The following CEP97 variants were observed in gnomAD, a reference collection of about 807,000 sequenced individuals.
CEP97 encodes the protein centrosomal protein of 97 kDa.
A neutral mutation model predicts 73.1 loss-of-function variants in CEP97; 43 were observed. That is an observed-to-expected ratio of 0.59 (90% CI 0.46 to 0.76). CEP97 has a LOEUF of 0.76. Among genes scored for constraint, CEP97 ranks in the 30% least tolerant of loss-of-function variants. CEP97 has a pLI of 0.00. For synonymous variants in CEP97, 337 were observed against 370.0 expected, an observed-to-expected ratio of 0.91 and a Z score of 1.02; for missense variants, 939 against 1,014.0, an observed-to-expected ratio of 0.93 and a Z score of 1.00.
At chr3:101,734,089 G>A (rs2107139259) in intron 6 of CEP97, among the ~76,000 whole-genome samples, 1 of 152,364 alleles carries the variant, frequency 6.6e-6, no homozygotes. Flanking sequence ...GCCTCCCAAA[G>A]TGTTGGGATT....
In CEP97 at chr3:101,766,732, T is replaced by A. The variant is rs1043593698; in HGVS notation, c.*1181T>A. On this transcript the variant is annotated 3_prime_UTR_variant, in exon 11 of 11. Coordinates refer to ENST00000341893, the MANE Select transcript of CEP97 (RefSeq NM_024548.4). ...GATGCATTTGTAATTAAGGATAATA[T>A]CGTTTAACAACATGTATTTGGTTTC... is the stretch of plus-strand genomic sequence containing the variant. The A allele has an allele frequency of 9.8e-5, 15 of 152,328 alleles. No individual in the cohort carries two copies. The highest frequency in any genetic ancestry group is 3.4e-4 in the African/African-American group (14 of 41,404). 9.4% of individuals were successfully genotyped at this position (152,328 alleles called of 1,614,324 possible).
At chr3:101,747,567 T>A (rs147972276) in intron 6 of CEP97, among the ~76,000 whole-genome samples, 1 of 150,898 alleles carries the variant, frequency 6.6e-6, no homozygotes, top group African/African-American at 2.4e-5. Flanking sequence ...CCTTCCTTTT[T>A]TTTTTTTTGA....
At chr3:101,738,286 C>G (rs1201879285) in intron 6 of CEP97, among the ~76,000 whole-genome samples, 1 of 151,982 alleles carries the variant, frequency 6.6e-6, no homozygotes, top group African/African-American at 2.4e-5. Context: ...ATTAGATCAA[C>G]AAGACAGAAA....
chr3:101,725,304 G>A (rs1305149564), intron 1 of CEP97, among the ~76,000 whole-genome samples: 1 of 152,192 alleles, frequency 6.6e-6, no homozygotes, highest in Non-Finnish European at 1.5e-5. Context: ...ACAGGACTGT[G>A]TGGGTGCTTC....
At chr3:101,752,959 G>A (rs1368937501) in intron 6 of CEP97, among the ~76,000 whole-genome samples, 1 of 152,186 alleles carries the variant, frequency 6.6e-6, no homozygotes, top group Non-Finnish European at 1.5e-5. Flanking sequence ...CTTTGGAGGA[G>A]GAGAGGTGCT....
At chr3:101,763,106 T>C in intron 10 of CEP97, 1 of 1,184,700 alleles carries the variant, frequency 8.4e-7, no homozygotes, top group South Asian at 1.3e-5. Flanking sequence ...TTCTTTTTTA[T>C]AGAAATGGGG....
intron 6 of CEP97, among the ~76,000 whole-genome samples, chr3:101,734,480 G>A (rs559671453): frequency 6.6e-6 from 1 of 152,240 alleles, no homozygotes; most frequent in East Asian, 1.9e-4. Flanking sequence ...GGAGTTTCCT[G>A]ATGGGAGGAC....
Position 101,767,518 on chromosome 3 carries a change from T to C in CEP97, c.*1967T>C, listed in dbSNP as rs562961344. 27 of 152,350 alleles carry C rather than the reference T, an allele frequency of 1.8e-4. No homozygotes were observed. Among genetic ancestry groups the C allele is most frequent in the Admixed American group, 5.9e-4 (9 of 15,310 alleles). 9.4% of individuals were successfully genotyped at this position (152,350 alleles called of 1,614,324 possible). On this transcript the variant is annotated 3_prime_UTR_variant, in exon 11 of 11. Coordinates refer to ENST00000341893, the MANE Select transcript of CEP97 (RefSeq NM_024548.4). ...TACATTAGTTTTTCATAAAAGCTGC[T>C]GGAATGTCATGATTCAGTATTACCT...
At chr3:101,745,113 G>A (rs1475735332) in intron 6 of CEP97, among the ~76,000 whole-genome samples, 2 of 152,188 alleles carry the variant, frequency 1.3e-5, no homozygotes, top group Non-Finnish European at 2.9e-5. Context: ...CTTTCTGAAT[G>A]TGTTTAGATC....
intron 10 of CEP97, 78 bp downstream of exon 10, chr3:101,762,638 T>A (rs1283959818): frequency 8.0e-6 from 9 of 1,123,308 alleles, no homozygotes; most frequent in Admixed American, 4.4e-5. Flanking sequence ...CATAGAGTAC[T>A]CAGGTGTATT....
intron 6 of CEP97, among the ~76,000 whole-genome samples, chr3:101,748,998 T>G (rs554822655): frequency 9.3e-4 from 142 of 152,276 alleles, no homozygotes; most frequent in African/African-American, 3.0e-3. Flanking sequence ...TTGGTTAAAT[T>G]TTATTGTTAT....
chr3:101,737,117 T>TA (rs1938304568), intron 6 of CEP97, among the ~76,000 whole-genome samples: 2 of 152,128 alleles, frequency 1.3e-5, no homozygotes, highest in South Asian at 4.1e-4. Context: ...CTTAATGAAA[T>TA]AAACTGTGAA....
intron 6 of CEP97, among the ~76,000 whole-genome samples, chr3:101,752,437 GGCC>G (rs1938860962): frequency 6.6e-6 from 1 of 152,186 alleles, no homozygotes; most frequent in Admixed American, 6.5e-5. Flanking sequence ...TCTGAATGTT[GGCC>G]TGCCTTGCTA....
Position 101,768,160 on chromosome 3 carries a change from T to G in CEP97, c.*2609T>G, listed in dbSNP as rs890583912. The G allele has an allele frequency of 1.3e-5, 2 of 152,246 alleles. No homozygotes were observed. The highest frequency in any genetic ancestry group is 4.8e-5 in the African/African-American group (2 of 41,466). The allele number at this position is 152,246 out of a possible 1,614,324, so 9.4% of individuals were successfully genotyped here. A position where few individuals can be genotyped will look rare whatever the true frequency, so the allele number is the denominator to read the frequency against. On this transcript the variant is annotated 3_prime_UTR_variant, in exon 11 of 11. Coordinates refer to ENST00000341893, the MANE Select transcript of CEP97 (RefSeq NM_024548.4). ...CCTGCAGAAGCACAGAATCATACCA[T>G]GTAAGAGTTGGAAGGAAGCTTAAGA...
chr3:101,751,514 G>T (rs1938819506), intron 6 of CEP97, among the ~76,000 whole-genome samples: 1 of 152,194 alleles, frequency 6.6e-6, no homozygotes, highest in Admixed American at 6.5e-5. Context: ...ACAGTGGGGT[G>T]TTAAAGTCTC....
chr3:101,763,488 G>A (rs1939222130), intron 10 of CEP97, among the ~76,000 whole-genome samples: 1 of 151,590 alleles, frequency 6.6e-6, no homozygotes, highest in Admixed American at 6.6e-5. Flanking sequence ...TGGGACTACA[G>A]GCACACACCA....
At chr3:101,737,047 A>G (rs1046212349) in intron 6 of CEP97, among the ~76,000 whole-genome samples, 1 of 152,254 alleles carries the variant, frequency 6.6e-6, no homozygotes, top group Non-Finnish European at 1.5e-5. Flanking sequence ...TGAAGCATAC[A>G]CAAGTATCAA....
chr3:101,755,448 C>G lies in CEP97; in HGVS notation c.747C>G (p.Leu249=), dbSNP rs1429216500. 4 of 1,613,994 alleles carry G rather than the reference C, an allele frequency of 2.5e-6. No individual in the cohort carries two copies. Among genetic ancestry groups the G allele is most frequent in the Non-Finnish European group, 3.4e-6 (4 of 1,180,016 alleles). Reference sequence around the variant, plus strand: ...ATTCCAGTTTGAAAGCTGAATGGCTCTATAGTCAAGGCAAGGGGAGAGCAT... The same window carrying G: ...ATTCCAGTTTGAAAGCTGAATGGCTGTATAGTCAAGGCAAGGGGAGAGCAT... ...SQKESLKAEW[L]YSQGKGRAYR... Residue 249 remains leucine (L), a synonymous_variant, in exon 7 of 11, where the codon CTC becomes CTG. Transcript: ENST00000341893.
At chr3:101,761,547 A>G (rs1282075092) in intron 9 of CEP97, among the ~76,000 whole-genome samples, 1 of 152,146 alleles carries the variant, frequency 6.6e-6, no homozygotes, top group African/African-American at 2.4e-5. Context: ...GGATGGCAGG[A>G]GTTAAAGGAG....
Sources: allele counts gnomAD v4.1 joint callset (sites outside exome capture counted in the v4.1 genomes callset), GRCh38; gene constraint gnomAD v4.1.1; transcripts MANE v1.5; gene names NCBI Gene and HGNC (gene_info 2026-07-23, HGNC 2026-07-21).